Variants in RNF123 observed in about 807,000 individuals in gnomAD.
RNF123 encodes ring finger protein 123, also known as E3 ubiquitin-protein ligase RNF123.
Under a neutral mutation model 168.5 loss-of-function variants are expected in RNF123, and 86 were observed. That is an observed-to-expected ratio of 0.51 (90% CI 0.43 to 0.61). RNF123 has a LOEUF of 0.61. Ranked by LOEUF, RNF123 falls within the 20% of genes least tolerant of loss-of-function variation. The pLI is 0.00. For synonymous variants in RNF123, 666 were observed against 689.1 expected, an observed-to-expected ratio of 0.97 and a Z score of 0.52; for missense variants, 1,419 against 1,729.7, an observed-to-expected ratio of 0.82 and a Z score of 3.19.
chr3:49,712,272 A>T (rs73077157), intron 26 of RNF123, among the ~76,000 whole-genome samples: 1 of 151,648 alleles, frequency 6.6e-6, no homozygotes, highest in Non-Finnish European at 1.5e-5. Flanking sequence ...CCTGGGTCAC[A>T]GTAATGCGCC....
At chr3:49,721,149 C>T (rs1559695076) in intron 38 of RNF123, 36 bp from the exon 39 acceptor site, 12 of 1,613,948 alleles carry the variant, frequency 7.4e-6, no homozygotes, top group Non-Finnish European at 9.3e-6. Flanking sequence ...GCAGTAGGTA[C>T]ATGCAGGGCA....
At chr3:49,689,691 T>G (rs2054071987) in intron 1 of RNF123, 85 bp downstream of exon 1, 1 of 152,346 alleles carries the variant, frequency 6.6e-6, no homozygotes, top group Admixed American at 6.5e-5. Flanking sequence ...CGAGGGCACC[T>G]GCAGCGCAGG....
At chr3:49,695,048 G>A (rs376599465) in intron 3 of RNF123, among the ~76,000 whole-genome samples, 1 of 152,366 alleles carries the variant, frequency 6.6e-6, no homozygotes, top group East Asian at 1.9e-4. Flanking sequence ...CCACAGATAT[G>A]TGCAGTCTGC....
intron 26 of RNF123, 89 bp from the exon 27 acceptor site, chr3:49,712,390 G>C (rs1237895819): frequency 7.7e-7 from 1 of 1,293,428 alleles, no homozygotes; most frequent in African/African-American, 1.5e-5. Flanking sequence ...TCGTAGGCCT[G>C]GGGAGGCCTT....
chr3:49,700,621 G>A lies in RNF123; in HGVS notation c.1204-15G>A, dbSNP rs761866367. 6 of 1,614,134 alleles carry A rather than the reference G, an allele frequency of 3.7e-6. No homozygotes were observed. Among genetic ancestry groups the A allele is most frequent in the South Asian group, 2.2e-5 (2 of 91,082 alleles). On this transcript the variant is annotated splice_polypyrimidine_tract_variant and intron_variant, in intron 14 of 38. Coordinates refer to ENST00000327697, the MANE Select transcript of RNF123 (RefSeq NM_022064.5). ...TGGGACTCGCCTGTCCACTCTGAAC[G>A]CCCCCTCTCCACAGATCCATTACCT...
chr3:49,701,667 C>G, intron 16 of RNF123, 59 bp downstream of exon 16: 2 of 1,511,012 alleles, frequency 1.3e-6, no homozygotes, highest in Non-Finnish European at 1.8e-6. Flanking sequence ...GCCTGGGCAT[C>G]TGGCCACTGG....
At chr3:49,703,332 C>A in intron 20 of RNF123, 95 bp from the exon 21 acceptor site, 1 of 1,008,270 alleles carries the variant, frequency 9.9e-7, no homozygotes, top group Non-Finnish European at 1.5e-6. Context: ...GCCAGAATTC[C>A]CAGGCTGTGC....
At chr3:49,694,159 T>G (rs1180545872) in intron 3 of RNF123, among the ~76,000 whole-genome samples, 1 of 152,222 alleles carries the variant, frequency 6.6e-6, no homozygotes, top group Non-Finnish European at 1.5e-5. Flanking sequence ...ATAGAAAACT[T>G]TAAAAAAATT....
chr3:49,713,377 C>G, intron 27 of RNF123, 136 bp from the exon 28 acceptor site: 1 of 772,246 alleles, frequency 1.3e-6, no homozygotes. Flanking sequence ...CCGATGTCCC[C>G]AGATGCCACC....
At chr3:49,713,345 C>A in intron 27 of RNF123, 168 bp from the exon 28 acceptor site, 1 of 648,604 alleles carries the variant, frequency 1.5e-6, no homozygotes, top group Non-Finnish European at 2.7e-6. Context: ...AGCCCTTGCA[C>A]AGCCACCAAT....
At chr3:49,698,224 A>T (rs936328358) in intron 7 of RNF123, 87 bp downstream of exon 7, 1 of 1,233,908 alleles carries the variant, frequency 8.1e-7, no homozygotes, top group Non-Finnish European at 1.2e-6. Context: ...TCCCCTCAGA[A>T]CTGCCTAGGA....
intron 35 of RNF123, chr3:49,719,396 C>T (rs769710626): frequency 3.7e-6 from 6 of 1,613,524 alleles, no homozygotes; most frequent in African/African-American, 2.7e-5. Flanking sequence ...GGGAAACCCT[C>T]GGAGTCCGGG....
At position 49,691,133 on chromosome 3, in the gene RNF123, C is replaced by T. The variant is rs762200012; in HGVS notation, c.-33C>T. The T allele has an allele frequency of 1.2e-6, 2 of 1,607,258 alleles. No individual in the cohort carries two copies. Among genetic ancestry groups the T allele is most frequent in the Non-Finnish European group, 1.7e-6 (2 of 1,174,306 alleles). On this transcript the variant is annotated 5_prime_UTR_variant, in exon 2 of 39. Coordinates refer to ENST00000327697, the MANE Select transcript of RNF123 (RefSeq NM_022064.5). ...ACAGGCTCTGTGTCTGGCTCAGCCCCCAGGACCACTGGCTGCCCATGAGAG... is the reference window on the plus strand; with the variant it reads ...ACAGGCTCTGTGTCTGGCTCAGCCCTCAGGACCACTGGCTGCCCATGAGAG...
At position 49,705,011 on chromosome 3, in the gene RNF123, G is replaced by T; in HGVS notation, c.1987G>T (p.Gly663Trp). The T allele has an allele frequency of 6.2e-7, 1 of 1,608,232 alleles. No individual in the cohort carries two copies. The highest frequency in any genetic ancestry group is 2.2e-5 in the East Asian group (1 of 44,714). ...QRPMQALAVGGPLPLPRPGWL... is the reference protein window; with the variant it reads ...QRPMQALAVGWPLPLPRPGWL... ...CCCCATGCAGGCCCTGGCTGTTGGG[G>T]GGCCACTGCCCCTGCCCCGGCCCGG... Residue 663 changes from glycine to tryptophan, a missense_variant, in exon 23 of 39, where the codon GGG becomes TGG. By Grantham distance (184) the Gly-to-Trp change is radical. This residue lies in a region of RNF123 where 538 missense variants were observed against 708.8 expected (regional missense o/e 0.76). Transcript: ENST00000327697.
Position 49,708,248 on chromosome 3 carries a change from G to A in RNF123, c.2496+1350G>A, listed in dbSNP as rs191413135. ...CAAAGTGCTGGGGTTACAGGCGTGC[G>A]CCACTGTGCCCGGTCACCCATCATA... On this transcript the variant is annotated intron_variant, in intron 26 of 38. Transcript: ENST00000327697. Among the ~76,000 whole-genome samples the A allele has an allele frequency of 8.4e-3, 1,275 of 152,280 alleles. 5 individuals carry two copies. Among genetic ancestry groups the A allele is most frequent in the Admixed American group, 0.014 (216 of 15,300 alleles).
chr3:49,709,697 C>G (rs1170491170), intron 26 of RNF123, among the ~76,000 whole-genome samples: 1 of 152,148 alleles, frequency 6.6e-6, no homozygotes, highest in African/African-American at 2.4e-5. Context: ...CCTCGGCCTC[C>G]CAAAGTGCTG....
chr3:49,704,587 G>A, intron 21 of RNF123, 63 bp from the exon 22 acceptor site: 2 of 1,398,016 alleles, frequency 1.4e-6, no homozygotes, highest in East Asian at 2.3e-5. Flanking sequence ...ACCGTCCTGG[G>A]CACTTCCACT....
intron 35 of RNF123, chr3:49,718,216 C>T: frequency 6.2e-7 from 1 of 1,610,660 alleles, no homozygotes; most frequent in Non-Finnish European, 8.5e-7. Context: ...GGGCCAGCGG[C>T]GGCAGCGGCA....
intron 35 of RNF123, chr3:49,718,590 C>CA (rs2080306274): frequency 6.2e-7 from 1 of 1,612,922 alleles, no homozygotes; most frequent in African/African-American, 1.3e-5. Flanking sequence ...GGGACCGACC[C>CA]ACCAGCGCGT....
Sources: allele counts gnomAD v4.1 joint callset (sites outside exome capture counted in the v4.1 genomes callset), GRCh38; gene constraint gnomAD v4.1.1; regional missense constraint gnomAD v4.1.1; transcripts MANE v1.5; gene names NCBI Gene and HGNC (gene_info 2026-07-23, HGNC 2026-07-21).